Variants in SLC12A7 observed in about 807,000 individuals in gnomAD.
SLC12A7 encodes K-Cl cotransporter 4.
SLC12A7 carries 100 observed loss-of-function variants against 120.6 expected under a neutral mutation model. That is an observed-to-expected ratio of 0.83 (90% CI 0.71 to 0.98). SLC12A7 has a LOEUF of 0.98. SLC12A7 is among the 50% of genes least tolerant of loss of function. SLC12A7 has a pLI of 0.00. For synonymous variants in SLC12A7, 760 were observed against 678.0 expected, an observed-to-expected ratio of 1.12 and a Z score of -1.88; for missense variants, 1,373 against 1,548.1, an observed-to-expected ratio of 0.89 and a Z score of 1.90.
chr5:1,059,801 G>A (rs570398631), intron 21 of SLC12A7, among the ~76,000 whole-genome samples: 2 of 151,276 alleles, frequency 1.3e-5, no homozygotes, highest in Non-Finnish European at 3.0e-5. Context: ...CCTCCAGCTC[G>A]CTTCCCTCCC....
chr5:1,155,584 G>T, the SLC12A7 span, among the ~76,000 whole-genome samples: 1 of 151,404 alleles, frequency 6.6e-6, no homozygotes, highest in African/African-American at 2.4e-5. Flanking sequence ...CCGACCCCCG[G>T]GCTGACCGGG....
intron 18 of SLC12A7, 72 bp downstream of exon 18, chr5:1,065,211 A>G (rs1185686996): frequency 1.8e-6 from 2 of 1,101,950 alleles, no homozygotes; most frequent in Non-Finnish European, 2.6e-6. Context: ...CACACAGGGG[A>G]CAGCGAGGGG....
intron 18 of SLC12A7, among the ~76,000 whole-genome samples, chr5:1,064,936 T>C (rs4990352): frequency 0.16 from 2,158 of 13,408 alleles, 34 homozygotes; most frequent in Middle Eastern, 0.25. Flanking sequence ...GAGGGGACAG[T>C]GAGGGGACGG....
At chr5:1,079,893 C>T (rs1188989737) in intron 9 of SLC12A7, among the ~76,000 whole-genome samples, 1 of 152,232 alleles carries the variant, frequency 6.6e-6, no homozygotes, top group East Asian at 1.9e-4. Flanking sequence ...AACGACTCAG[C>T]CCAGCCAGCC....
At chr5:1,081,823 C>G in intron 8 of SLC12A7, 79 bp from the exon 9 acceptor site, 1 of 1,522,530 alleles carries the variant, frequency 6.6e-7, no homozygotes, top group East Asian at 2.3e-5. Context: ...CACTCCCCGG[C>G]AGGTGCCACT....
intron 3 of SLC12A7, among the ~76,000 whole-genome samples, chr5:1,092,615 G>C (rs1007737401): frequency 2.0e-5 from 3 of 152,192 alleles, no homozygotes; most frequent in African/African-American, 4.8e-5. Context: ...CCGAAGGAGG[G>C]GGGCACAGGC....
intron 6 of SLC12A7, 120 bp from the exon 7 acceptor site, chr5:1,085,593 G>A (rs1739756050): frequency 5.1e-6 from 7 of 1,378,968 alleles, no homozygotes; most frequent in Non-Finnish European, 6.7e-6. Context: ...GGGCCATCGG[G>A]ACGCATCCGT....
At chr5:1,060,990 C>T in intron 20 of SLC12A7, among the ~76,000 whole-genome samples, 1 of 151,776 alleles carries the variant, frequency 6.6e-6, no homozygotes, top group South Asian at 2.1e-4. Context: ...TCACCCACTG[C>T]ACCTGCCGTG....
At chr5:1,143,685 T>G in the SLC12A7 span, among the ~76,000 whole-genome samples, 1 of 152,176 alleles carries the variant, frequency 6.6e-6, no homozygotes, top group Non-Finnish European at 1.5e-5. Flanking sequence ...TGGTGCTGCT[T>G]CTTCACCCAG....
At position 1,094,787 on chromosome 5, in the gene SLC12A7, C is replaced by T. The variant is rs558935132; in HGVS notation, c.125-539G>A. Among the ~76,000 whole-genome samples, 627 of 152,294 alleles carry T rather than the reference C, an allele frequency of 4.1e-3. 3 individuals carry two copies. Among genetic ancestry groups the T allele is most frequent in the Non-Finnish European group, 5.5e-3 (372 of 68,018 alleles). Reference sequence around the variant, plus strand: ...ACTTCCCACTGTTCCCTGTTGAGGACGCCGCCCACAGGCTCTCTAGGTAAA... The same window carrying T: ...ACTTCCCACTGTTCCCTGTTGAGGATGCCGCCCACAGGCTCTCTAGGTAAA... On this transcript the variant is annotated intron_variant, in intron 1 of 23. Transcript: ENST00000264930.
At chr5:1,074,439 C>T (rs1031449751) in intron 16 of SLC12A7, 128 bp downstream of exon 16, 1 of 814,740 alleles carries the variant, frequency 1.2e-6, no homozygotes, top group Non-Finnish European at 1.9e-6. Context: ...GCAGTGTTCA[C>T]ACCCCAGACC....
At chr5:1,146,203 A>T in the SLC12A7 span, among the ~76,000 whole-genome samples, 506 of 152,200 alleles carry the variant, frequency 3.3e-3, 3 homozygotes, top group African/African-American at 0.012. The surrounding 1 kb of genome is among the most constrained non-coding windows in gnomAD (Gnocchi z 6.5). Context: ...TTCCCTGGTC[A>T]CCCACCTTCT....
At chr5:1,076,958 C>T (rs574521593) in intron 12 of SLC12A7, 146 bp from the exon 13 acceptor site, 36 of 647,864 alleles carry the variant, frequency 5.6e-5, no homozygotes, top group South Asian at 3.5e-4. Context: ...GGACATCACG[C>T]GGCTGGCCTG....
Position 1,052,055 on chromosome 5 carries a change from G to A in SLC12A7, c.*305C>T. 1 of 421,662 alleles carries A rather than the reference G, an allele frequency of 2.4e-6. No individual in the cohort carries two copies. Among genetic ancestry groups the A allele is most frequent in the South Asian group, 4.3e-5 (1 of 23,500 alleles). 26.1% of individuals were successfully genotyped at this position (421,662 alleles called of 1,614,324 possible). On this transcript the variant is annotated 3_prime_UTR_variant, in exon 24 of 24. Coordinates refer to ENST00000264930, the MANE Select transcript of SLC12A7 (RefSeq NM_006598.3). Reference sequence around the variant, plus strand: ...AGAACTTCCAGAAACCAAGGCAAGGGCTCACTGGCTTCTTGTGACCTGCGA... The same window carrying A: ...AGAACTTCCAGAAACCAAGGCAAGGACTCACTGGCTTCTTGTGACCTGCGA...
intron 1 of SLC12A7, among the ~76,000 whole-genome samples, chr5:1,097,446 A>T (rs1741382525): frequency 6.6e-6 from 1 of 152,138 alleles, no homozygotes; most frequent in Non-Finnish European, 1.5e-5. Context: ...AGTTGGAAAA[A>T]AGCACTAGAA....
intron 5 of SLC12A7, among the ~76,000 whole-genome samples, chr5:1,087,277 C>A (rs1489166506): frequency 6.6e-6 from 1 of 152,178 alleles, no homozygotes; most frequent in Non-Finnish European, 1.5e-5. Flanking sequence ...CAGGTGAGAT[C>A]AGGGATAAGG....
At chr5:1,118,914 G>C in the SLC12A7 span, among the ~76,000 whole-genome samples, 1 of 152,200 alleles carries the variant, frequency 6.6e-6, no homozygotes, top group African/African-American at 2.4e-5. Context: ...AGCTGGCGCT[G>C]ACATCAGCCT....
At chr5:1,058,089 G>C (rs1367494025) in intron 21 of SLC12A7, among the ~76,000 whole-genome samples, 2 of 152,224 alleles carry the variant, frequency 1.3e-5, no homozygotes, top group Non-Finnish European at 2.9e-5. Context: ...CGGGGAAGCA[G>C]GCTGTGTCTG....
At chr5:1,149,231 AC>A in the SLC12A7 span, among the ~76,000 whole-genome samples, 17 of 150,528 alleles carry the variant, frequency 1.1e-4, no homozygotes, top group Non-Finnish European at 2.4e-4. Context: ...CAAGCAGCGC[AC>A]AAGGGTCCCC....
Sources: gnomAD v4.1 joint callset for allele counts (sites outside exome capture counted in the v4.1 genomes callset) on GRCh38, gnomAD v4.1.1 for gene constraint, Gnocchi (gnomAD v3.1) non-coding constraint, MANE v1.5 for transcripts, NCBI Gene and HGNC (gene_info 2026-07-23, HGNC 2026-07-21) for gene names.